PCDH11Y: variants seen among roughly 807,000 people sequenced by gnomAD.
PCDH11Y encodes the protein protocadherin 11 Y-linked.
For missense variants in PCDH11Y, 12 were observed against 224.8 expected (o/e 0.05, Z 6.05); for synonymous variants, 9 against 83.6 (o/e 0.11, Z 4.87).
At chrY:5,310,901 C>T (rs2053098850) in intron 2 of PCDH11Y, among the ~76,000 whole-genome samples, 1 of 32,640 alleles carries the variant, frequency 3.1e-5, no homozygotes, top group African/African-American at 1.2e-4. Context: ...TTGTGAATAA[C>T]CTGCATATTA....
At chrY:5,245,362 G>C in intron 2 of PCDH11Y, among the ~76,000 whole-genome samples, 4 of 32,397 alleles carry the variant, frequency 1.2e-4, no homozygotes, top group African/African-American at 4.9e-4. Context: ...TTGGCACCAG[G>C]TCAGTGCCCC....
intron 2 of PCDH11Y, among the ~76,000 whole-genome samples, chrY:5,352,431 C>T: frequency 3.0e-5 from 1 of 32,792 alleles, no homozygotes; most frequent in Admixed American, 2.9e-4. Flanking sequence ...CTTACCCTTC[C>T]CCCTTTCTAA....
chrY:5,521,576 T>G, intron 3 of PCDH11Y, among the ~76,000 whole-genome samples: 1 of 31,784 alleles, frequency 3.1e-5, no homozygotes, highest in South Asian at 7.4e-4. Context: ...CTTAGCATGT[T>G]TTAACATGTG....
At position 5,586,515 on chromosome Y, in the gene PCDH11Y, G is replaced by T. The variant is rs1246860467; in HGVS notation, c.3352+4717G>T. Among the ~76,000 whole-genome samples, 30 of 30,284 alleles carry T rather than the reference G, an allele frequency of 9.9e-4. No individual in the cohort carries two copies. In the East Asian group the frequency reaches 0.023, roughly 23 times the overall value. The allele number at this position is 30,284 out of a possible 37,273, so 81.2% of individuals were successfully genotyped here. A position where few individuals can be genotyped will look rare whatever the true frequency, so the allele number is the denominator to read the frequency against. ...TCGGGGCTGAAAAAATGTTTTTTTT[G>T]TTTGTTTTTTTTTTTAGATATAGGG... On this transcript the variant is annotated intron_variant, in intron 4 of 4. Coordinates refer to the PCDH11Y transcript ENST00000400457.
At chrY:5,065,424 G>A in intron 1 of PCDH11Y, among the ~76,000 whole-genome samples, 1 of 32,749 alleles carries the variant, frequency 3.1e-5, no homozygotes, top group South Asian at 6.9e-4. Flanking sequence ...AAAAGCTAAT[G>A]ATATAAGTAA....
chrY:5,180,839 G>C, intron 2 of PCDH11Y, among the ~76,000 whole-genome samples: 1 of 32,903 alleles, frequency 3.0e-5, no homozygotes, highest in Non-Finnish European at 7.5e-5. Flanking sequence ...CCTCTTGAAG[G>C]CAGCATACCA....
chrY:5,476,208 A>C, intron 2 of PCDH11Y, among the ~76,000 whole-genome samples: 2 of 30,143 alleles, frequency 6.6e-5, no homozygotes, highest in Admixed American at 6.1e-4. Context: ...CTAACTTTTG[A>C]CTCTGTTGTA....
intron 2 of PCDH11Y, among the ~76,000 whole-genome samples, chrY:5,428,465 T>C: frequency 3.0e-5 from 1 of 32,986 alleles, no homozygotes; most frequent in African/African-American, 1.2e-4. Flanking sequence ...CACTGGAAGA[T>C]CTTCAGAGGC....
intron 2 of PCDH11Y, among the ~76,000 whole-genome samples, chrY:5,350,636 G>A: frequency 1.2e-4 from 4 of 32,214 alleles, no homozygotes; most frequent in African/African-American, 3.7e-4. Context: ...AACCCGGGAG[G>A]TGGAGGTTGC....
chrY:5,450,371 GA>G, intron 2 of PCDH11Y, among the ~76,000 whole-genome samples: 1 of 32,637 alleles, frequency 3.1e-5, no homozygotes, highest in East Asian at 8.0e-4. Flanking sequence ...ATTTAATCTG[GA>G]GGATTCACAC....
intron 1 of PCDH11Y, among the ~76,000 whole-genome samples, chrY:5,077,425 G>T (rs2052711818): frequency 4.2e-5 from 1 of 23,640 alleles, no homozygotes; most frequent in East Asian, 1.1e-3. Context: ...CTTATCTGAT[G>T]GCTCTAGCTA....
intron 2 of PCDH11Y, among the ~76,000 whole-genome samples, chrY:5,367,722 T>TTG (rs2053182508): frequency 3.5e-5 from 1 of 28,256 alleles, no homozygotes; most frequent in Non-Finnish European, 8.3e-5. Context: ...TATCCCTAAA[T>TTG]TGTGTGTGTA....
chrY:5,424,293 T>G, intron 2 of PCDH11Y, among the ~76,000 whole-genome samples: 1 of 33,809 alleles, frequency 3.0e-5, no homozygotes, highest in African/African-American at 1.2e-4. Context: ...TTCCAGACAC[T>G]CTAGTTTCTA....
chrY:5,291,258 AT>A (rs2053066999), intron 2 of PCDH11Y, among the ~76,000 whole-genome samples: 2 of 32,990 alleles, frequency 6.1e-5, no homozygotes, highest in African/African-American at 1.2e-4. Flanking sequence ...AATACTTCTG[AT>A]TTTTTTGGCT....
At chrY:5,520,727 C>A (rs2124690229) in intron 3 of PCDH11Y, among the ~76,000 whole-genome samples, 1 of 29,394 alleles carries the variant, frequency 3.4e-5, no homozygotes, top group South Asian at 8.3e-4. Context: ...CATCCCATAG[C>A]CATTTGACAC....
chrY:5,575,352 TTAATAAA>T (rs2053444853), intron 3 of PCDH11Y, among the ~76,000 whole-genome samples: 6 of 32,661 alleles, frequency 1.8e-4, no homozygotes, highest in African/African-American at 7.2e-4. Flanking sequence ...AAAAAAGTGA[TTAATAAA>T]TAGACAAGAG....
intron 2 of PCDH11Y, among the ~76,000 whole-genome samples, chrY:5,139,045 G>A (rs2052844598): frequency 3.0e-5 from 1 of 33,253 alleles, no homozygotes; most frequent in African/African-American, 1.2e-4. Context: ...AATCCACCAC[G>A]ATCACGTGGG....
chrY:5,253,350 C>T, intron 2 of PCDH11Y, among the ~76,000 whole-genome samples: 2 of 30,171 alleles, frequency 6.6e-5, no homozygotes, highest in African/African-American at 1.3e-4. Flanking sequence ...TTACTCTCTA[C>T]TTGTTTGCCC....
intron 3 of PCDH11Y, among the ~76,000 whole-genome samples, chrY:5,539,159 A>G: frequency 3.2e-5 from 1 of 31,174 alleles, no homozygotes; most frequent in African/African-American, 1.2e-4. Context: ...GAGAAATTGT[A>G]TGAGTTCAAG....
Sources: gnomAD v4.1 joint callset for allele counts (sites outside exome capture counted in the v4.1 genomes callset) on GRCh38, gnomAD v4.1.1 for gene constraint, MANE v1.5 for transcripts, NCBI Gene and HGNC (gene_info 2026-07-23, HGNC 2026-07-21) for gene names.